The following SAMSN1 variants were observed in gnomAD, a reference collection of about 807,000 sequenced individuals.
SAMSN1 encodes the protein SAM domain-containing protein SAMSN-1.
SAMSN1 carries 31 observed loss-of-function variants against 42.0 expected under a neutral mutation model. That is an observed-to-expected ratio of 0.74 (90% CI 0.55 to 1.00). The LOEUF is 1.00. SAMSN1 is among the 50% of genes least tolerant of loss of function. SAMSN1 has a pLI of 0.00. For missense variants in SAMSN1, 464 were observed against 439.4 expected, an observed-to-expected ratio of 1.06 and a Z score of -0.50; for synonymous variants, 178 against 151.9, an observed-to-expected ratio of 1.17 and a Z score of -1.26.
At chr21:14,599,665 G>T (rs138777229) in intron 6 of SAMSN1, among the ~76,000 whole-genome samples, 249 of 152,106 alleles carry the variant, frequency 1.6e-3, no homozygotes, top group African/African-American at 5.8e-3. Context: ...CAAAGAGCTA[G>T]GGGTGCACCT....
At chr21:14,587,351 G>A (rs561620949), upstream of SAMSN1, among the ~76,000 whole-genome samples, 1 of 151,752 alleles carries the variant, frequency 6.6e-6, no homozygotes. Context: ...TTGATCTAAT[G>A]AGCCATTCTT....
intron 2 of SAMSN1, among the ~76,000 whole-genome samples, chr21:14,620,143 C>T (rs79903723): frequency 0.01 from 1,585 of 152,224 alleles, 38 homozygotes; most frequent in Non-Finnish European, 9.9e-3. Flanking sequence ...TCAGAGATAT[C>T]TTCCTGCTTC....
chr21:14,619,975 G>A (rs943428608), intron 2 of SAMSN1, among the ~76,000 whole-genome samples: 1 of 149,358 alleles, frequency 6.7e-6, no homozygotes. Flanking sequence ...GAGAAGGGGA[G>A]AGTAATTCAG....
chr21:14,624,625 G>A (rs1232916766), intron 2 of SAMSN1, among the ~76,000 whole-genome samples: 1 of 152,126 alleles, frequency 6.6e-6, no homozygotes, highest in African/African-American at 2.4e-5. Context: ...TGAAATTGAG[G>A]CCATAATTAA....
intron 1 of SAMSN1, among the ~76,000 whole-genome samples, chr21:14,529,125 C>T (rs777557963): frequency 2.6e-5 from 4 of 152,152 alleles, no homozygotes; most frequent in African/African-American, 4.8e-5. Flanking sequence ...CCACTGTGGA[C>T]GAACTCATTT....
intron 2 of SAMSN1, among the ~76,000 whole-genome samples, chr21:14,578,031 T>C (rs934075298): frequency 6.6e-6 from 1 of 152,194 alleles, no homozygotes; most frequent in African/African-American, 2.4e-5. Context: ...GTTTATAGTA[T>C]CTCAACGGAA....
intron 4 of SAMSN1, among the ~76,000 whole-genome samples, chr21:14,610,348 C>G (rs1231172879): frequency 1.3e-5 from 2 of 152,114 alleles, no homozygotes; most frequent in Non-Finnish European, 2.9e-5. Flanking sequence ...CTGCAGTGCC[C>G]CCAGGCTTGC....
chr21:14,636,875 CA>C (rs977053986), intron 2 of SAMSN1, among the ~76,000 whole-genome samples: 2 of 151,618 alleles, frequency 1.3e-5, no homozygotes, highest in South Asian at 2.1e-4. Context: ...AAAAAACAAA[CA>C]AAAAAAAGTG....
At chr21:14,501,188 T>C (rs1987139390) in intron 5 of SAMSN1, among the ~76,000 whole-genome samples, 1 of 152,164 alleles carries the variant, frequency 6.6e-6, no homozygotes, top group Admixed American at 6.5e-5. Flanking sequence ...TGAAGAAAAC[T>C]TCAACATTCT....
chr21:14,509,844 A>C (rs922253394), intron 5 of SAMSN1, among the ~76,000 whole-genome samples: 1 of 152,138 alleles, frequency 6.6e-6, no homozygotes, highest in Non-Finnish European at 1.5e-5. Context: ...ATTTTATTCA[A>C]ATTCTTAGCA....
At chr21:14,616,054 A>C in intron 2 of SAMSN1, 1 of 560,728 alleles carries the variant, frequency 1.8e-6, no homozygotes, top group Non-Finnish European at 3.3e-6. Flanking sequence ...TAAAATAAAT[A>C]ACATAAAATA....
At chr21:14,574,835 C>G (rs769963886) in intron 2 of SAMSN1, among the ~76,000 whole-genome samples, 1 of 152,102 alleles carries the variant, frequency 6.6e-6, no homozygotes, top group Non-Finnish European at 1.5e-5. Flanking sequence ...ACATCTTCTA[C>G]TATTATAATA....
intron 1 of SAMSN1, among the ~76,000 whole-genome samples, chr21:14,648,214 A>C (rs1174398794): frequency 6.6e-6 from 1 of 152,214 alleles, no homozygotes; most frequent in Non-Finnish European, 1.5e-5. Context: ...CTGGCTAGCC[A>C]TATGTAGAAA....
At chr21:14,513,526 T>C (rs993653937) in intron 3 of SAMSN1, among the ~76,000 whole-genome samples, 2 of 152,128 alleles carry the variant, frequency 1.3e-5, no homozygotes, top group Non-Finnish European at 2.9e-5. Flanking sequence ...TGTGCGTGTG[T>C]GTGTGTCTGT....
intron 7 of SAMSN1, 118 bp from the exon 8 acceptor site, chr21:14,486,232 T>G (rs1986430162): frequency 1.5e-6 from 1 of 666,834 alleles, no homozygotes; most frequent in African/African-American, 1.8e-5. Flanking sequence ...TTCATTACAA[T>G]GGAAAGTTCT....
intron 2 of SAMSN1, among the ~76,000 whole-genome samples, chr21:14,573,591 T>C (rs1171408016): frequency 6.6e-6 from 1 of 152,148 alleles, no homozygotes; most frequent in Non-Finnish European, 1.5e-5. Context: ...GTAAAAAATG[T>C]AGAAATACGG....
intron 7 of SAMSN1, among the ~76,000 whole-genome samples, chr21:14,495,460 A>G (rs531488359): frequency 6.6e-6 from 1 of 152,318 alleles, no homozygotes; most frequent in Non-Finnish European, 1.5e-5. Context: ...TGACATGTAT[A>G]TTCTAATACT....
At chr21:14,586,274 A>AG (rs1467475032), upstream of SAMSN1, among the ~76,000 whole-genome samples, 1 of 149,912 alleles carries the variant, frequency 6.7e-6, no homozygotes, top group Non-Finnish European at 1.5e-5. Context: ...AAAAAAAAAA[A>AG]AAAAGAAAAA....
chr21:14,621,871 C>A (rs778032267), intron 2 of SAMSN1, among the ~76,000 whole-genome samples: 1 of 152,206 alleles, frequency 6.6e-6, no homozygotes, highest in Non-Finnish European at 1.5e-5. Flanking sequence ...AGGAGGCACA[C>A]CCCAGTACGG....
Sources: allele counts gnomAD v4.1 joint callset (sites outside exome capture counted in the v4.1 genomes callset), GRCh38; gene constraint gnomAD v4.1.1; transcripts MANE v1.5; gene names NCBI Gene and HGNC (gene_info 2026-07-23, HGNC 2026-07-21).